RBCK1: variants seen among roughly 807,000 people sequenced by gnomAD.
RBCK1 encodes the protein RANBP2-type and C3HC4-type zinc finger containing 1.
RBCK1 carries 44 observed loss-of-function variants against 71.1 expected under a neutral mutation model. That is an observed-to-expected ratio of 0.62 (90% confidence interval 0.49 to 0.80). The LOEUF (loss-of-function observed/expected upper bound fraction) is 0.80. Ranked by LOEUF, RBCK1 falls within the 30% of genes least tolerant of loss-of-function variation. The pLI is 0.00. For missense variants in RBCK1, 569 were observed against 685.0 expected, an observed-to-expected ratio of 0.83 and a Z score of 1.89; for synonymous variants, 306 against 279.7, an observed-to-expected ratio of 1.09 and a Z score of -0.94.
intron 4 of RBCK1, among the ~76,000 whole-genome samples, chr20:418,249 T>C (rs962774856): frequency 6.6e-6 from 1 of 152,250 alleles, no homozygotes; most frequent in African/African-American, 2.4e-5. Flanking sequence ...TCGTGATAAC[T>C]AGTGTTTATT....
At position 417,563 on chromosome 20, in the gene RBCK1, G is replaced by C. The variant is rs778362577; in HGVS notation, c.205G>C (p.Val69Leu). Reference protein sequence around the residue: ...VSVEDAQMHTVTIWLTVRPDM... With the variant: ...VSVEDAQMHTLTIWLTVRPDM... ...CGTGGAGGATGCTCAGATGCACACCGTCACCATCTGGCTCACAGTGCGCCC... is the reference window on the plus strand; with the variant it reads ...CGTGGAGGATGCTCAGATGCACACCCTCACCATCTGGCTCACAGTGCGCCC... The change falls in exon 3 of 12, where the codon GTC becomes CTC. Residue 69 changes from valine (V) to leucine (L), a missense_variant. Val to Leu is a conservative substitution (Grantham distance 32). Coordinates refer to ENST00000356286, the MANE Select transcript of RBCK1 (RefSeq NM_031229.4). This position sits in a 1 kb window ranked among gnomAD's most constrained non-coding sequence, Gnocchi z 4.7. 1.9e-6 allele frequency: 3 copies of C among 1,613,822 alleles called. No homozygotes were observed. The highest frequency in any genetic ancestry group is 1.7e-5 in the Admixed American group (1 of 60,008).
intron 5 of RBCK1, 42 bp downstream of exon 5, chr20:419,510 C>G (rs754909272): frequency 6.2e-7 from 1 of 1,603,912 alleles, no homozygotes; most frequent in Non-Finnish European, 8.5e-7. Context: ...TGTGCCCCTC[C>G]CTTGCCTCAC....
chr20:416,911 C>T (rs1466998637), intron 2 of RBCK1, among the ~76,000 whole-genome samples: 1 of 152,152 alleles, frequency 6.6e-6, no homozygotes, highest in Non-Finnish European at 1.5e-5. Context: ...ATGGGAAGAG[C>T]CCAGGAGGTT....
chr20:429,414 CGG>C (rs2016908525), intron 11 of RBCK1, among the ~76,000 whole-genome samples: 1 of 151,970 alleles, frequency 6.6e-6, no homozygotes. Context: ...TTAGGAGAGA[CGG>C]GGTTTCTCCA....
At chr20:415,201 C>T (rs1481781794) in intron 2 of RBCK1, among the ~76,000 whole-genome samples, 2 of 152,038 alleles carry the variant, frequency 1.3e-5, no homozygotes, top group East Asian at 1.9e-4. Context: ...CATAGTGAAA[C>T]CTTGTCTCTA....
chr20:431,746 C>G lies in RBCK1; in HGVS notation c.*1316C>G, dbSNP rs745352004. On this transcript the variant is annotated 3_prime_UTR_variant, in exon 12 of 12. Coordinates refer to ENST00000356286, the MANE Select transcript of RBCK1 (RefSeq NM_031229.4). This position sits in a 1 kb window ranked among gnomAD's most constrained non-coding sequence, Gnocchi z 4.8. Reference sequence around the variant, plus strand: ...TGTGAGTGGACTGGGTCCTTCGGCACTGCCTGCATTGGCTCAGGGCAGTCA... The same window carrying G: ...TGTGAGTGGACTGGGTCCTTCGGCAGTGCCTGCATTGGCTCAGGGCAGTCA... Among the ~76,000 whole-genome samples, 2 of 152,228 alleles carry G rather than the reference C, an allele frequency of 1.3e-5. No homozygotes were observed. The highest frequency in any genetic ancestry group is 2.9e-5 in the Non-Finnish European group (2 of 68,042).
In RBCK1 at chr20:410,920, G is replaced by A. The variant is rs6051833; in HGVS notation, c.167+895G>A. Among the ~76,000 whole-genome samples the A allele has an allele frequency of 5.7e-3, 868 of 151,884 alleles. 8 individuals carry two copies. Among genetic ancestry groups the A allele is most frequent in the African/African-American group, 0.02 (835 of 41,384 alleles). ...GACCATTTAAAGTATACAGTTCAATGGCTTTTAGTATATTCAAGGTTGTGC... is the reference window on the plus strand; with the variant it reads ...GACCATTTAAAGTATACAGTTCAATAGCTTTTAGTATATTCAAGGTTGTGC... On this transcript the variant is annotated intron_variant, in intron 2 of 11. Transcript: ENST00000356286.
chr20:430,572 C>A lies in RBCK1; in HGVS notation c.*142C>A. 2 of 789,436 alleles carry A rather than the reference C, an allele frequency of 2.5e-6. No individual in the cohort carries two copies. Among genetic ancestry groups the A allele is most frequent in the Non-Finnish European group, 4.1e-6 (2 of 483,148 alleles). The allele number at this position is 789,436 out of a possible 1,614,324, so 48.9% of individuals were successfully genotyped here. ...GCACTGCGGTTGTCCACGGTCACATCTGCCCCAGTGCCTTTGTCCTTCCCT... is the reference window on the plus strand; with the variant it reads ...GCACTGCGGTTGTCCACGGTCACATATGCCCCAGTGCCTTTGTCCTTCCCT... On this transcript the variant is annotated 3_prime_UTR_variant, in exon 12 of 12. Transcript: ENST00000356286. This position sits in a 1 kb window ranked among gnomAD's most constrained non-coding sequence, Gnocchi z 5.6.
rs1393237809 is a variant in RBCK1 at position 421,953 on chromosome 20, G to A, written c.918-174G>A. ...CAGAGCGGCAGTATGGAGGCAGGGTGGAGGCCTTGGTGATGGGTTGGTGAG... is the reference window on the plus strand; with the variant it reads ...CAGAGCGGCAGTATGGAGGCAGGGTAGAGGCCTTGGTGATGGGTTGGTGAG... On this transcript the variant is annotated intron_variant, in intron 7 of 11. Coordinates refer to ENST00000356286, the MANE Select transcript of RBCK1 (RefSeq NM_031229.4). 1.5e-5 allele frequency: 9 copies of A among 584,402 alleles called. No homozygotes were observed. In the East Asian group the frequency reaches 2.6e-4, roughly 17 times the overall value. The allele number at this position is 584,402 out of a possible 1,614,324, so 36.2% of individuals were successfully genotyped here.
Position 417,639 on chromosome 20 carries a change from G to A in RBCK1, c.261+20G>A, listed in dbSNP as rs1384356794. The stretch of plus-strand genomic sequence containing the variant: ...GACATGGTGAGTGAGGAGGCGGAGG[G>A]CGACACTGGGGTGAAGGCTCTCCCT... On this transcript the variant is annotated intron_variant, in intron 3 of 11. Coordinates refer to ENST00000356286, the MANE Select transcript of RBCK1 (RefSeq NM_031229.4). This position sits in a 1 kb window ranked among gnomAD's most constrained non-coding sequence, Gnocchi z 4.7. 1.2e-6 allele frequency: 2 copies of A among 1,611,112 alleles called. No individual in the cohort carries two copies. Among genetic ancestry groups the A allele is most frequent in the Admixed American group, 3.3e-5 (2 of 59,982 alleles).
rs777909927 is a variant in RBCK1, at chr20:410,467, A to G, written c.167+442A>G. 6.4e-6 allele frequency: 5 copies of G among 779,602 alleles called. No individual in the cohort carries two copies. In the African/African-American group the frequency reaches 8.5e-5, roughly 13 times the overall value. 48.3% of individuals were successfully genotyped at this position (779,602 alleles called of 1,614,324 possible). On this transcript the variant is annotated intron_variant, in intron 2 of 11. Transcript: ENST00000356286. The stretch of plus-strand genomic sequence containing the variant: ...CTCCATCCAGCCATCACATCACAGG[A>G]GGAAGGGAAGAAAGACACCCCTCCA...
intron 4 of RBCK1, among the ~76,000 whole-genome samples, chr20:418,471 C>T (rs1020036345): frequency 6.6e-6 from 1 of 152,144 alleles, no homozygotes; most frequent in African/African-American, 2.4e-5. Flanking sequence ...CGGGTTCACG[C>T]CATTCTCCTG....
chr20:419,226 C>T, intron 4 of RBCK1, 121 bp from the exon 5 acceptor site: 1 of 1,375,810 alleles, frequency 7.3e-7, no homozygotes, highest in South Asian at 1.4e-5. Context: ...CTGGAGGTAC[C>T]CCCAGGGAGG....
intron 2 of RBCK1, chr20:410,264 T>C (rs1424068884): frequency 4.7e-6 from 3 of 642,240 alleles, no homozygotes; most frequent in Non-Finnish European, 8.4e-6. Context: ...GTGTACTGTA[T>C]TAGGATGTTA....
Position 427,298 on chromosome 20 carries a change from A to T in RBCK1, c.1030-15A>T, listed in dbSNP as rs2016778617. ...GTTCTGAATCCTGAGCAGCAAGGAC[A>T]TGGTGTGTTGGCAGCTCCTGACCCC... On this transcript the variant is annotated splice_polypyrimidine_tract_variant and intron_variant, in intron 8 of 11. Transcript: ENST00000356286. 6.2e-7 allele frequency: 1 copy of T among 1,613,180 alleles called. No individual in the cohort carries two copies. The highest frequency in any genetic ancestry group is 1.3e-5 in the African/African-American group (1 of 75,034).
intron 2 of RBCK1, chr20:410,569 C>T: frequency 1.3e-6 from 1 of 779,724 alleles, no homozygotes; most frequent in Non-Finnish European, 2.4e-6. Context: ...CTGATTCCCA[C>T]AGCTACAGTT....
Position 428,998 on chromosome 20 carries a change from C to G in RBCK1, c.1356C>G (p.Ile452Met), listed in dbSNP as rs746385953. ...CCATGCGCTGCCCCCAGTGCCAGAT[C>G]GTGGTACAGAAGAAGGACGGCTGCG... is the stretch of plus-strand genomic sequence containing the variant. The part of the protein sequence containing the change: ...GEAMRCPQCQ[I>M]VVQKKDGCDW... Residue 452 changes from isoleucine to methionine, a missense_variant, in exon 11 of 12, where the codon ATC (isoleucine) becomes ATG (methionine). This residue lies in a region of RBCK1 where 211 missense variants were observed against 309.4 expected (regional missense o/e 0.68). Transcript: ENST00000356286. The surrounding 1 kb of genome is among the most constrained non-coding windows in gnomAD (Gnocchi z 5.7). The G allele has an allele frequency of 1.2e-6, 2 of 1,611,896 alleles. No individual in the cohort carries two copies. Among genetic ancestry groups the G allele is most frequent in the Non-Finnish European group, 1.7e-6 (2 of 1,179,926 alleles).
In RBCK1 at chr20:410,378, T is replaced by C. The variant is rs1259867409; in HGVS notation, c.167+353T>C. 5.1e-6 allele frequency: 4 copies of C among 777,694 alleles called. No homozygotes were observed. The African/African-American group carries it at 6.8e-5, about 13-fold the overall frequency. The allele number at this position is 777,694 out of a possible 1,614,324, so 48.2% of individuals were successfully genotyped here. On this transcript the variant is annotated intron_variant, in intron 2 of 11. Coordinates refer to ENST00000356286, the MANE Select transcript of RBCK1 (RefSeq NM_031229.4). ...TCCCGACAGTCCTCAGAGGCTCATA[T>C]TGTTTCTCTCACCATTCTGCCATTC...
intron 11 of RBCK1, among the ~76,000 whole-genome samples, chr20:429,516 G>A (rs1003109463): frequency 1.3e-5 from 2 of 152,168 alleles, no homozygotes; most frequent in East Asian, 1.9e-4. Flanking sequence ...GTGAGCCACC[G>A]GGCCGCAAGA....
Sources: allele counts gnomAD v4.1 joint callset (sites outside exome capture counted in the v4.1 genomes callset), GRCh38; gene constraint gnomAD v4.1.1; regional missense constraint gnomAD v4.1.1; non-coding constraint Gnocchi (gnomAD v3.1); transcripts MANE v1.5; gene names NCBI Gene and HGNC (gene_info 2026-07-23, HGNC 2026-07-21).